CERS1: variants seen among roughly 807,000 people sequenced by gnomAD.
CERS1 encodes the protein Embryonic growth/differentiation factor 1.
In CERS1, 16 loss-of-function variants were observed where a neutral mutation model predicts 35.7. The observed-to-expected ratio is 0.45, with a 90% CI of 0.30 to 0.68. The LOEUF is 0.68. Among genes scored for constraint, CERS1 ranks in the 30% least tolerant of loss-of-function variants. CERS1 has a pLI of 0.08. For missense variants in CERS1, 454 were observed against 453.9 expected (o/e 1.00, Z 0.00); for synonymous variants, 243 against 201.6 (o/e 1.21, Z -1.74).
chr19:18,888,544 A>AC (rs1568304732), intron 2 of CERS1, among the ~76,000 whole-genome samples: 2 of 147,566 alleles, frequency 1.4e-5, no homozygotes, highest in Non-Finnish European at 3.0e-5. Flanking sequence ...AAAAAAAAAA[A>AC]AACAGGCTAG....
chr19:18,869,580 G>A (rs1184834183), intron 7 of CERS1, among the ~76,000 whole-genome samples, 190 bp from the exon 8 acceptor site: 1 of 150,718 alleles, frequency 6.6e-6, no homozygotes, highest in Non-Finnish European at 1.5e-5. Context: ...GCCCTGCGGG[G>A]TGCGGCGGGG....
Position 18,879,319 on chromosome 19 carries a change from C to G in CERS1, c.822G>C (p.Thr274=). 6.2e-7 allele frequency: 1 copy of G among 1,610,306 alleles called. No individual in the cohort carries two copies. Among genetic ancestry groups the G allele is most frequent in the Non-Finnish European group, 8.5e-7 (1 of 1,178,374 alleles). Residue 274 remains threonine, a synonymous_variant, in exon 5 of 8, where the codon ACG becomes ACC. Coordinates refer to ENST00000623882, the MANE Select transcript of CERS1 (RefSeq NM_021267.5). ...AGAAGTAGAAGGGGATGTCAGGCAC[C>G]GTGCGCAGACTGCAGTGACTGGTGG... is the stretch of plus-strand genomic sequence containing the variant. ...LYATSHCSLR[T]VPDIPFYFFF...
rs2145988886 is a variant in CERS1, at chr19:18,869,981, A to G, written c.*594+2T>C. 1.3e-6 allele frequency: 2 copies of G among 1,585,336 alleles called. No individual in the cohort carries two copies. The highest frequency in any genetic ancestry group is 1.7e-6 in the Non-Finnish European group (2 of 1,167,534). The stretch of plus-strand genomic sequence containing the variant: ...AGTGTCCCCAGCGAAAGCCCCACTC[A>G]CCGCGGTCCGGGATGTGGCGCACGA... On this transcript the variant is annotated splice_donor_variant, in intron 7 of 7. Transcript: ENST00000623882. LOFTEE classifies it low-confidence loss of function (3UTR_SPLICE).
At chr19:18,892,849 G>A (rs1423855919) in intron 2 of CERS1, among the ~76,000 whole-genome samples, 5 of 152,042 alleles carry the variant, frequency 3.3e-5, no homozygotes, top group Non-Finnish European at 7.4e-5. Flanking sequence ...CTTTGTCTTG[G>A]GGCTGGCTTA....
Position 18,878,562 on chromosome 19 carries a change from C to A in CERS1, c.1010+368G>T. Reference sequence around the variant, plus strand: ...GCCCCACTGCCACCAGCTCCAGTGGCGACATGGGTCAGAGGTCGTCATCCA... The same window carrying A: ...GCCCCACTGCCACCAGCTCCAGTGGAGACATGGGTCAGAGGTCGTCATCCA... On this transcript the variant is annotated intron_variant, in intron 6 of 7. Coordinates refer to ENST00000623882, the MANE Select transcript of CERS1 (RefSeq NM_021267.5). The surrounding 1 kb of genome is among the most constrained non-coding windows in gnomAD (Gnocchi z 4.6). 2 of 1,040,360 alleles carry A rather than the reference C, an allele frequency of 1.9e-6. No individual in the cohort carries two copies. The highest frequency in any genetic ancestry group is 2.3e-6 in the Non-Finnish European group (2 of 862,590). 64.4% of individuals were successfully genotyped at this position (1,040,360 alleles called of 1,614,324 possible).
At chr19:18,875,486 T>C (rs1398369815) in intron 6 of CERS1, among the ~76,000 whole-genome samples, 1 of 149,360 alleles carries the variant, frequency 6.7e-6, no homozygotes, top group Non-Finnish European at 1.5e-5. Flanking sequence ...GAGGTTGCAG[T>C]GAGCTGAGAT....
At position 18,869,035 on chromosome 19, in the gene CERS1, G is replaced by GCAGGCGGCAGGGGCC. The variant is rs2055908682; in HGVS notation, c.*935_*949dup. ...GCAGCGAGGCCTCGGCCAGGCGCGC[G>GCAGGCGGCAGGGGCC]CAGGCGGCAGGGGCCCGGGGGCGTA... On this transcript the variant is annotated 3_prime_UTR_variant, in exon 8 of 8. Coordinates refer to ENST00000623882, the MANE Select transcript of CERS1 (RefSeq NM_021267.5). The GCAGGCGGCAGGGGCC allele has an allele frequency of 9.3e-7, 1 of 1,073,414 alleles. No individual in the cohort carries two copies. The highest frequency in any genetic ancestry group is 1.1e-6 in the Non-Finnish European group (1 of 887,744). 66.5% of individuals were successfully genotyped at this position (1,073,414 alleles called of 1,614,324 possible).
At position 18,895,974 on chromosome 19, in the gene CERS1, C is replaced by T. The variant is rs1301741392; in HGVS notation, c.99G>A (p.Ala33=). The T allele has an allele frequency of 2.8e-6, 3 of 1,054,776 alleles. No homozygotes were observed. The highest frequency in any genetic ancestry group is 3.4e-6 in the Non-Finnish European group (3 of 874,904). 65.3% of individuals were successfully genotyped at this position (1,054,776 alleles called of 1,614,324 possible). A position where few individuals can be genotyped will look rare whatever the true frequency, so the allele number is the denominator to read the frequency against. Residue 33 remains alanine, a synonymous_variant, in exon 1 of 8, where the codon GCG becomes GCA. Transcript: ENST00000623882. The surrounding 1 kb of genome is among the most constrained non-coding windows in gnomAD (Gnocchi z 6.4). ...AGCCGCAGTCCGTGCAGCCCCGCGCCGCCGCCAGCGCGCTGCCCCAGCCGC... is the reference window on the plus strand; with the variant it reads ...AGCCGCAGTCCGTGCAGCCCCGCGCTGCCGCCAGCGCGCTGCCCCAGCCGC... ...VQRGWGSALA[A]ARGCTDCGWG... is the part of the protein sequence containing the mutation.
intron 6 of CERS1, among the ~76,000 whole-genome samples, chr19:18,874,353 G>GGGTGCAGT: frequency 1.3e-5 from 2 of 152,248 alleles, no homozygotes; most frequent in East Asian, 3.9e-4. Context: ...ACCGCAGCTG[G>GGGTGCAGT]GGTGCAGTGG....
intron 6 of CERS1, among the ~76,000 whole-genome samples, chr19:18,872,390 C>G (rs1219094849): frequency 6.6e-6 from 1 of 152,316 alleles, no homozygotes. Context: ...CTCTGTCGCC[C>G]AGGCTGGAGT....
At chr19:18,880,072 T>C (rs1307049420) in intron 4 of CERS1, among the ~76,000 whole-genome samples, 1 of 150,654 alleles carries the variant, frequency 6.6e-6, no homozygotes, top group Non-Finnish European at 1.5e-5. Flanking sequence ...CTAGCTCAGT[T>C]GGCCCCACCC....
rs183991779 is a variant in CERS1, at chr19:18,895,389, C to T, written c.249+435G>A. On this transcript the variant is annotated intron_variant, in intron 1 of 7. Coordinates refer to ENST00000623882, the MANE Select transcript of CERS1 (RefSeq NM_021267.5). The surrounding 1 kb of genome is among the most constrained non-coding windows in gnomAD (Gnocchi z 6.4). ...GCGGTGCGCCGAGCCCTCCCGTTCC[C>T]GGTCCTGGGCTTCTCAGTGTCTGGC... Among the ~76,000 whole-genome samples, 28 of 152,160 alleles carry T rather than the reference C, an allele frequency of 1.8e-4. No individual in the cohort carries two copies. The highest frequency in any genetic ancestry group is 3.7e-4 in the Non-Finnish European group (25 of 68,020).
At chr19:18,876,358 TTTTC>T (rs769212710) in intron 6 of CERS1, among the ~76,000 whole-genome samples, 5 of 152,148 alleles carry the variant, frequency 3.3e-5, no homozygotes, top group South Asian at 2.1e-4. Flanking sequence ...GGTTTGTCTT[TTTTC>T]TTTGTTTTGA....
chr19:18,868,804 G>A lies in CERS1; in HGVS notation c.*1181C>T. ...GCGGCCCCCCGGACCCCGACAGCGC[G>A]ACGGGCAGCGCGCACTGACCCTGGC... On this transcript the variant is annotated 3_prime_UTR_variant, in exon 8 of 8. Coordinates refer to ENST00000623882, the MANE Select transcript of CERS1 (RefSeq NM_021267.5). 6.9e-7 allele frequency: 1 copy of A among 1,455,996 alleles called. No individual in the cohort carries two copies. The allele number at this position is 1,455,996 out of a possible 1,614,324, so 90.2% of individuals were successfully genotyped here.
chr19:18,895,973 C>A lies in CERS1; in HGVS notation c.100G>T (p.Ala34Ser). The A allele has an allele frequency of 9.4e-7, 1 of 1,058,302 alleles. No homozygotes were observed. Among genetic ancestry groups the A allele is most frequent in the Non-Finnish European group, 1.1e-6 (1 of 876,862 alleles). The allele number at this position is 1,058,302 out of a possible 1,614,324, so 65.6% of individuals were successfully genotyped here. The change falls in exon 1 of 8, where the codon GCG (alanine) becomes TCG (serine). Residue 34 changes from alanine (A) to serine (S), a missense_variant. Coordinates refer to ENST00000623882, the MANE Select transcript of CERS1 (RefSeq NM_021267.5). The surrounding 1 kb of genome is among the most constrained non-coding windows in gnomAD (Gnocchi z 6.4). ...CAGCCGCAGTCCGTGCAGCCCCGCG[C>A]CGCCGCCAGCGCGCTGCCCCAGCCG... is the stretch of plus-strand genomic sequence containing the variant. ...QRGWGSALAA[A>S]RGCTDCGWGL...
intron 2 of CERS1, 106 bp from the exon 3 acceptor site, chr19:18,884,373 G>T: frequency 9.5e-7 from 1 of 1,052,892 alleles, no homozygotes; most frequent in Non-Finnish European, 1.3e-6. Context: ...CCAGTACCCA[G>T]GTAACCATGC....
intron 6 of CERS1, among the ~76,000 whole-genome samples, chr19:18,876,245 C>T (rs1190827690): frequency 1.3e-5 from 2 of 152,230 alleles, no homozygotes; most frequent in East Asian, 1.9e-4. Flanking sequence ...CTTGGCCTCC[C>T]AAAGTGCTGG....
At chr19:18,876,161 T>C (rs28820667) in intron 6 of CERS1, among the ~76,000 whole-genome samples, 9,796 of 152,114 alleles carry the variant, frequency 0.064, 759 homozygotes, top group African/African-American at 0.19. Flanking sequence ...ATTTTTCGTA[T>C]TTTTAGTAGA....
rs947144924 is a variant in CERS1, at chr19:18,895,009, C to A, written c.249+815G>T. On this transcript the variant is annotated intron_variant, in intron 1 of 7. Coordinates refer to ENST00000623882, the MANE Select transcript of CERS1 (RefSeq NM_021267.5). This position sits in a 1 kb window ranked among gnomAD's most constrained non-coding sequence, Gnocchi z 6.4. Reference sequence around the variant, plus strand: ...CCAGGGAAGTGAGTGGGGTCAGGCGCCAATGTCACCATCATGGTCACTCTC... The same window carrying A: ...CCAGGGAAGTGAGTGGGGTCAGGCGACAATGTCACCATCATGGTCACTCTC... Among the ~76,000 whole-genome samples, 13 of 152,206 alleles carry A rather than the reference C, an allele frequency of 8.5e-5. No individual in the cohort carries two copies. The highest frequency in any genetic ancestry group is 7.2e-4 in the Admixed American group (11 of 15,280).
Sources: allele counts gnomAD v4.1 joint callset (sites outside exome capture counted in the v4.1 genomes callset), GRCh38; gene constraint gnomAD v4.1.1; non-coding constraint Gnocchi (gnomAD v3.1); transcripts MANE v1.5; gene names NCBI Gene and HGNC (gene_info 2026-07-23, HGNC 2026-07-21).